MACROD2: variants seen among roughly 807,000 people sequenced by gnomAD.
MACROD2 encodes the protein mono-ADP ribosylhydrolase 2.
In MACROD2, 36 loss-of-function variants were observed where a neutral mutation model predicts 70.4. The ratio of observed to expected loss-of-function variants is 0.51; its 90% CI spans 0.39 to 0.68. MACROD2 has a LOEUF of 0.68. Ranked by LOEUF, MACROD2 falls within the 30% of genes least tolerant of loss-of-function variation. The pLI is 0.00. For synonymous variants in MACROD2, 172 were observed against 178.8 expected (o/e 0.96, Z 0.30); for missense variants, 496 against 538.4 (o/e 0.92, Z 0.78).
chr20:14,725,242 A>G (rs6079540), intron 5 of MACROD2, among the ~76,000 whole-genome samples: 68,278 of 152,020 alleles, frequency 0.45, 15,951 homozygotes, highest in Non-Finnish European at 0.51. Flanking sequence ...ACTTCAGGGT[A>G]TTAAGTAGCA....
chr20:15,652,620 C>T (rs941815235), intron 8 of MACROD2, among the ~76,000 whole-genome samples: 1 of 152,118 alleles, frequency 6.6e-6, no homozygotes, highest in Non-Finnish European at 1.5e-5. Context: ...TACCTTACTA[C>T]ATCATGGATT....
At chr20:14,057,281 C>T (rs961998162) in intron 2 of MACROD2, among the ~76,000 whole-genome samples, 4 of 152,152 alleles carry the variant, frequency 2.6e-5, no homozygotes, top group African/African-American at 7.2e-5. Flanking sequence ...ATAACCTGGA[C>T]TGTTGACAGT....
chr20:15,258,916 T>G (rs774600957), intron 6 of MACROD2, among the ~76,000 whole-genome samples: 3 of 152,052 alleles, frequency 2.0e-5, no homozygotes, highest in Non-Finnish European at 4.4e-5. Flanking sequence ...AAGTTAGAGA[T>G]AAAAGCAGCT....
intron 8 of MACROD2, among the ~76,000 whole-genome samples, chr20:15,640,519 G>A (rs909212168): frequency 2.0e-5 from 3 of 152,200 alleles, no homozygotes; most frequent in South Asian, 2.1e-4. Context: ...CAGAGGCTCC[G>A]CTCTGCTGTG....
At chr20:14,457,651 G>C (rs935893718) in intron 3 of MACROD2, among the ~76,000 whole-genome samples, 2 of 152,030 alleles carry the variant, frequency 1.3e-5, no homozygotes, top group African/African-American at 4.8e-5. Flanking sequence ...CCAATGAGAA[G>C]ATCCAGGATG....
intron 3 of MACROD2, among the ~76,000 whole-genome samples, chr20:14,489,863 T>C (rs1220607630): frequency 2.1e-5 from 3 of 142,364 alleles, no homozygotes; most frequent in African/African-American, 8.7e-5. Context: ...AATACTTCTT[T>C]TTTTTTTTTT....
At chr20:14,956,958 G>T (rs550822433) in intron 5 of MACROD2, among the ~76,000 whole-genome samples, 1 of 152,050 alleles carries the variant, frequency 6.6e-6, no homozygotes, top group Non-Finnish European at 1.5e-5. Context: ...TTTCCTGCCT[G>T]CACCATTACT....
At chr20:15,754,674 C>G (rs927317511) in intron 8 of MACROD2, among the ~76,000 whole-genome samples, 2 of 141,830 alleles carry the variant, frequency 1.4e-5, no homozygotes, top group African/African-American at 5.5e-5. Flanking sequence ...TAGAAAGAAT[C>G]TATTCAATCT....
Position 14,647,813 on chromosome 20 carries a change from T to C in MACROD2, c.302-37030T>C, listed in dbSNP as rs776799648. ...CCCATGATTCAGGCACCACTATTCC[T>C]GTTCATTTTTTTTCCATTGTCCCGG... On this transcript the variant is annotated intron_variant, in intron 4 of 17. Coordinates refer to ENST00000684519, the MANE Select transcript of MACROD2 (RefSeq NM_001351661.2). Among the ~76,000 whole-genome samples the C allele has an allele frequency of 4.1e-4, 63 of 152,252 alleles. 1 individual carries two copies. Among genetic ancestry groups the C allele is most frequent in the East Asian group, 5.8e-4 (3 of 5,176 alleles).
At chr20:15,750,560 CAA>C (rs11464330) in intron 8 of MACROD2, among the ~76,000 whole-genome samples, 1 of 147,076 alleles carries the variant, frequency 6.8e-6, no homozygotes. Context: ...GGAGGTTCCT[CAA>C]AAAAAAAAAT....
chr20:15,098,526 A>T (rs1184099886), intron 5 of MACROD2, among the ~76,000 whole-genome samples: 4 of 152,196 alleles, frequency 2.6e-5, no homozygotes, highest in Non-Finnish European at 4.4e-5. Flanking sequence ...CCTTTGTTGG[A>T]CATTTATGCC....
intron 5 of MACROD2, among the ~76,000 whole-genome samples, chr20:14,925,175 C>T: frequency 6.6e-6 from 1 of 152,090 alleles, no homozygotes; most frequent in East Asian, 1.9e-4. Flanking sequence ...CTCTCAATCT[C>T]ATCTCAAAGA....
At chr20:14,076,437 A>G (rs972412760) in intron 2 of MACROD2, among the ~76,000 whole-genome samples, 3 of 151,842 alleles carry the variant, frequency 2.0e-5, no homozygotes, top group Admixed American at 6.6e-5. Flanking sequence ...GATCACTTGA[A>G]CTCAGGAGTT....
At position 14,656,919 on chromosome 20, in the gene MACROD2, G is replaced by A. The variant is rs76661629; in HGVS notation, c.302-27924G>A. Among the ~76,000 whole-genome samples the A allele has an allele frequency of 2.9e-3, 438 of 152,194 alleles. 1 individual carries two copies. Among genetic ancestry groups the A allele is most frequent in the African/African-American group, 0.01 (418 of 41,522 alleles). On this transcript the variant is annotated intron_variant, in intron 4 of 17. Coordinates refer to ENST00000684519, the MANE Select transcript of MACROD2 (RefSeq NM_001351661.2). ...TATAGGTAAGAGTTAAGACGTACAT[G>A]AGTGTCTTCTAGTTAATAAACCTCA...
At chr20:14,475,321 A>ATAAT (rs1214354223) in intron 3 of MACROD2, among the ~76,000 whole-genome samples, 2 of 113,032 alleles carry the variant, frequency 1.8e-5, no homozygotes, top group Non-Finnish European at 4.1e-5. Flanking sequence ...TGCCTATACC[A>ATAAT]TAATTAATTA....
At chr20:14,022,909 G>A (rs907351443) in intron 2 of MACROD2, among the ~76,000 whole-genome samples, 1 of 152,190 alleles carries the variant, frequency 6.6e-6, no homozygotes, top group Non-Finnish European at 1.5e-5. Context: ...GTGTGCATGT[G>A]TCTTTATAGT....
chr20:14,885,000 CT>C (rs1158692022), intron 5 of MACROD2, among the ~76,000 whole-genome samples: 1 of 152,156 alleles, frequency 6.6e-6, no homozygotes, highest in Non-Finnish European at 1.5e-5. Context: ...TTTGTCCTGC[CT>C]TTCCAGGACA....
chr20:14,584,282 A>G (rs913192770), intron 4 of MACROD2, among the ~76,000 whole-genome samples: 8 of 152,216 alleles, frequency 5.3e-5, no homozygotes, highest in Admixed American at 1.3e-4. Context: ...TACTTTAGAA[A>G]TACAAATATT....
chr20:14,879,300 C>T (rs1182065757), intron 5 of MACROD2, among the ~76,000 whole-genome samples: 1 of 152,138 alleles, frequency 6.6e-6, no homozygotes, highest in Non-Finnish European at 1.5e-5. Flanking sequence ...TGTATGTCAT[C>T]TGTATACCTA....
Sources: gnomAD v4.1 joint callset for allele counts (sites outside exome capture counted in the v4.1 genomes callset) on GRCh38, gnomAD v4.1.1 for gene constraint, MANE v1.5 for transcripts, NCBI Gene and HGNC (gene_info 2026-07-23, HGNC 2026-07-21) for gene names.